Variants in DCAF8L2 observed in about 807,000 individuals in gnomAD.
The protein encoded by DCAF8L2 is DDB1 and CUL4 associated factor 8 like 2.
For synonymous variants in DCAF8L2, 200 were observed against 190.9 expected, an observed-to-expected ratio of 1.05 and a Z score of -0.39; for missense variants, 430 against 490.7, an observed-to-expected ratio of 0.88 and a Z score of 1.17.
the DCAF8L2 span, among the ~76,000 whole-genome samples, chrX:27,522,150 C>A: frequency 8.9e-6 from 1 of 111,852 alleles, no homozygotes; most frequent in Non-Finnish European, 1.9e-5. Flanking sequence ...GCCTCAACCT[C>A]CCGAGTAGTT....
chrX:27,741,020 C>T (rs989015497), intron 4 of DCAF8L2, among the ~76,000 whole-genome samples: 2 of 111,521 alleles, frequency 1.8e-5, no homozygotes, highest in Non-Finnish European at 3.8e-5. Context: ...AATAAATGCA[C>T]GGTGGATTAA....
At chrX:27,499,836 T>TA in the DCAF8L2 span, among the ~76,000 whole-genome samples, 2 of 103,157 alleles carry the variant, frequency 1.9e-5, no homozygotes, top group East Asian at 6.2e-4. Flanking sequence ...GATTTGGTGG[T>TA]GGGGGGGGGT....
Position 27,718,842 on chromosome X carries a change from A to T in DCAF8L2, c.-59+2671A>T, listed in dbSNP as rs185559880. ...TCGGACTTCAGACTCAATCTAATAC[A>T]ACACCATTGGCTCTTCTGGGCCTCT... On this transcript the variant is annotated intron_variant, in intron 4 of 4. Coordinates refer to ENST00000451261, the MANE Select transcript of DCAF8L2 (RefSeq NM_001353450.2). 1.3e-4 allele frequency among the ~76,000 whole-genome samples: 15 copies of T among 111,589 alleles called. No individual in the cohort carries two copies. The East Asian group carries it at 2.5e-3, about 19-fold the overall frequency.
the DCAF8L2 span, among the ~76,000 whole-genome samples, chrX:27,574,197 T>G: frequency 9.0e-6 from 1 of 110,712 alleles, no homozygotes; most frequent in African/African-American, 3.3e-5. Flanking sequence ...AGAGAGAATA[T>G]GAGGTAGATT....
the DCAF8L2 span, among the ~76,000 whole-genome samples, chrX:27,573,025 A>T: frequency 9.0e-6 from 1 of 110,589 alleles, no homozygotes; most frequent in Non-Finnish European, 1.9e-5. Context: ...TACTTGTCTA[A>T]GGTCAGGAAA....
intron 3 of DCAF8L2, among the ~76,000 whole-genome samples, chrX:27,709,390 G>A (rs1166702750): frequency 8.9e-6 from 1 of 112,214 alleles, no homozygotes; most frequent in Non-Finnish European, 1.9e-5. Flanking sequence ...TGCATAGTGA[G>A]AGATAAAAAA....
At chrX:27,634,124 G>A (rs1928401979) in intron 2 of DCAF8L2, among the ~76,000 whole-genome samples, 1 of 111,731 alleles carries the variant, frequency 9.0e-6, no homozygotes, top group Non-Finnish European at 1.9e-5. Flanking sequence ...CATATTATAT[G>A]CTAGCACTAA....
At chrX:27,696,485 G>A (rs112556506) in intron 3 of DCAF8L2, among the ~76,000 whole-genome samples, 5,466 of 110,940 alleles carry the variant, frequency 0.049, 327 homozygotes, top group African/African-American at 0.17. Flanking sequence ...TGAGCATTTA[G>A]ATTTGATACC....
chrX:27,531,373 G>A, the DCAF8L2 span, among the ~76,000 whole-genome samples: 1,153 of 111,435 alleles, frequency 0.01, 7 homozygotes, highest in African/African-American at 0.036. Flanking sequence ...TCAATTACCC[G>A]CCTTGGGTCC....
the DCAF8L2 span, among the ~76,000 whole-genome samples, chrX:27,580,043 C>T: frequency 9.1e-6 from 1 of 110,124 alleles, no homozygotes; most frequent in East Asian, 2.8e-4. Flanking sequence ...TTCTAATATG[C>T]TAACTATAGT....
chrX:27,611,379 A>G (rs1265603116), intron 1 of DCAF8L2, among the ~76,000 whole-genome samples: 3 of 109,291 alleles, frequency 2.7e-5, no homozygotes, highest in Non-Finnish European at 3.8e-5. Flanking sequence ...ATATATATAT[A>G]TATGCCGTCA....
chrX:27,561,735 A>G, the DCAF8L2 span, among the ~76,000 whole-genome samples: 1 of 111,695 alleles, frequency 9.0e-6, no homozygotes, highest in Non-Finnish European at 1.9e-5. Flanking sequence ...TACATGTGGT[A>G]GTATGTTTCA....
chrX:27,740,947 G>A (rs1456736398), intron 4 of DCAF8L2, among the ~76,000 whole-genome samples: 1 of 111,731 alleles, frequency 9.0e-6, no homozygotes, highest in East Asian at 2.8e-4. Context: ...TGAAGGGAAT[G>A]CCACTTTTAT....
At chrX:27,518,018 C>G in the DCAF8L2 span, 1 of 1,051,332 alleles carries the variant, frequency 9.5e-7, no homozygotes, top group East Asian at 3.0e-5. Context: ...AAAAAGGTGA[C>G]ACAGCAAGAT....
intron 1 of DCAF8L2, among the ~76,000 whole-genome samples, chrX:27,614,454 C>G (rs758039182): frequency 1.8e-5 from 2 of 111,353 alleles, no homozygotes; most frequent in Non-Finnish European, 3.8e-5. Flanking sequence ...CTATCTCCTT[C>G]AGTTCTGCTC....
upstream of DCAF8L2, among the ~76,000 whole-genome samples, chrX:27,589,326 A>G (rs1040523577): frequency 3.6e-5 from 4 of 112,178 alleles, no homozygotes; most frequent in South Asian, 3.6e-4. Flanking sequence ...CCACAGAGAA[A>G]CTATGTTTTG....
intron 2 of DCAF8L2, among the ~76,000 whole-genome samples, chrX:27,674,972 CT>C (rs1047451096): frequency 1.8e-5 from 2 of 111,560 alleles, no homozygotes; most frequent in Non-Finnish European, 3.8e-5. Flanking sequence ...ACTACACTCA[CT>C]CATAGGTACT....
the DCAF8L2 span, among the ~76,000 whole-genome samples, chrX:27,481,400 AT>A: frequency 9.0e-6 from 1 of 111,115 alleles, no homozygotes; most frequent in Non-Finnish European, 1.9e-5. Context: ...TAATTAATTA[AT>A]TTAATTAAAG....
chrX:27,527,487 C>T, the DCAF8L2 span, among the ~76,000 whole-genome samples: 6 of 111,028 alleles, frequency 5.4e-5, no homozygotes, highest in East Asian at 1.7e-3. Context: ...GAGGCAATGC[C>T]TCACCCTGCT....
Sources: gnomAD v4.1 joint callset for allele counts (sites outside exome capture counted in the v4.1 genomes callset) on GRCh38, gnomAD v4.1.1 for gene constraint, MANE v1.5 for transcripts, NCBI Gene and HGNC (gene_info 2026-07-23, HGNC 2026-07-21) for gene names.